The following EBF2 variants were observed in gnomAD, a reference collection of about 807,000 sequenced individuals.
EBF2 encodes the protein EBF transcription factor 2, also known as transcription factor COE2.
Under a neutral mutation model 72.8 loss-of-function variants are expected in EBF2, and 21 were observed. The observed-to-expected ratio is 0.29, with a 90% CI of 0.20 to 0.42. The LOEUF (loss-of-function observed/expected upper bound fraction) is 0.42, where lower values mean the gene tolerates loss of function less well. EBF2 is among the 10% of genes least tolerant of loss of function. The pLI, the probability that EBF2 is intolerant of heterozygous loss-of-function variation, is 1.00. For synonymous variants in EBF2, 299 were observed against 274.2 expected (o/e 1.09, Z -0.89); for missense variants, 637 against 731.2 (o/e 0.87, Z 1.49).
intron 10 of EBF2, among the ~76,000 whole-genome samples, chr8:25,881,823 G>A (rs1802609769): frequency 1.3e-5 from 2 of 152,156 alleles, no homozygotes; most frequent in South Asian, 4.2e-4. Flanking sequence ...ACATCCAGAG[G>A]AACGCACCGA....
At chr8:26,024,210 G>A (rs947256705) in intron 6 of EBF2, among the ~76,000 whole-genome samples, 11 of 152,084 alleles carry the variant, frequency 7.2e-5, no homozygotes, top group East Asian at 3.9e-4. Context: ...GTAAATATTC[G>A]AGGTATAGCC....
In EBF2 at chr8:25,927,910, C is replaced by G. The variant is rs895285610; in HGVS notation, c.552-19355G>C. Among the ~76,000 whole-genome samples the G allele has an allele frequency of 3.9e-5, 6 of 152,128 alleles. No homozygotes were observed. In the East Asian group the frequency reaches 1.2e-3, roughly 29 times the overall value. ...ATTTCATAACTCTAATAAGAAAGCC[C>G]TGTCATGAATAAAACCTGGCCCACA... On this transcript the variant is annotated intron_variant, in intron 6 of 15. Transcript: ENST00000520164.
Position 25,843,729 on chromosome 8 carries a change from G to A in EBF2, c.*880C>T, listed in dbSNP as rs1801776296. ...AGACGGAGCTGGGAATGAATTGATG[G>A]GTTGGAGTATTTGTGCATGTGCTAG... On this transcript the variant is annotated 3_prime_UTR_variant, in exon 16 of 16. Coordinates refer to ENST00000520164, the MANE Select transcript of EBF2 (RefSeq NM_022659.4). The A allele has an allele frequency of 6.6e-6, 1 of 152,210 alleles. No homozygotes were observed. Among genetic ancestry groups the A allele is most frequent in the African/African-American group, 2.4e-5 (1 of 41,416 alleles). The allele number at this position is 152,210 out of a possible 1,614,324, so 9.4% of individuals were successfully genotyped here. A position where few individuals can be genotyped will look rare whatever the true frequency, so the allele number is the denominator to read the frequency against.
chr8:25,859,736 A>G (rs1282559331), intron 13 of EBF2, among the ~76,000 whole-genome samples: 1 of 141,134 alleles, frequency 7.1e-6, no homozygotes, highest in Non-Finnish European at 1.5e-5. Flanking sequence ...TTTTTTTTTG[A>G]GACAAGATCT....
In EBF2 at chr8:26,000,058, G is replaced by A. The variant is rs1220736033; in HGVS notation, c.551+33027C>T. ...ATAACAGCGGGCCATGAAAATTGTA[G>A]ACATCACAATTTTATTGTCCCAGGA... On this transcript the variant is annotated intron_variant, in intron 6 of 15. Coordinates refer to ENST00000520164, the MANE Select transcript of EBF2 (RefSeq NM_022659.4). 2.6e-5 allele frequency among the ~76,000 whole-genome samples: 4 copies of A among 152,232 alleles called. No individual in the cohort carries two copies. In the South Asian group the frequency reaches 6.2e-4, roughly 24 times the overall value.
At chr8:25,861,881 C>T (rs1802218957) in intron 11 of EBF2, among the ~76,000 whole-genome samples, 1 of 152,138 alleles carries the variant, frequency 6.6e-6, no homozygotes, top group Non-Finnish European at 1.5e-5. Flanking sequence ...TACACTTTAA[C>T]CACAGAGAAT....
intron 10 of EBF2, among the ~76,000 whole-genome samples, chr8:25,878,143 G>A (rs867163170): frequency 3.3e-5 from 5 of 152,114 alleles, no homozygotes; most frequent in African/African-American, 1.2e-4. Context: ...TCCTCCTCTC[G>A]GGACCCGTCC....
At chr8:26,039,266 T>A (rs1219972836) in intron 5 of EBF2, among the ~76,000 whole-genome samples, 1 of 151,610 alleles carries the variant, frequency 6.6e-6, no homozygotes, top group Non-Finnish European at 1.5e-5. Context: ...GGGGGGGGAA[T>A]GCACAGGACT....
intron 6 of EBF2, among the ~76,000 whole-genome samples, chr8:25,928,415 C>T (rs936290206): frequency 1.3e-5 from 2 of 152,184 alleles, no homozygotes; most frequent in Non-Finnish European, 2.9e-5. Context: ...CTCCCCACGA[C>T]CATTCCTGCC....
chr8:25,991,561 G>T (rs1804545424), intron 6 of EBF2, among the ~76,000 whole-genome samples: 1 of 152,144 alleles, frequency 6.6e-6, no homozygotes, highest in African/African-American at 2.4e-5. Flanking sequence ...GAAAATAGAG[G>T]ACTGCCGGGT....
At chr8:25,948,334 G>A (rs533541069) in intron 6 of EBF2, among the ~76,000 whole-genome samples, 1 of 152,264 alleles carries the variant, frequency 6.6e-6, no homozygotes, top group South Asian at 2.1e-4. Flanking sequence ...TTTCTCTGGG[G>A]AAGCAAACCA....
At chr8:26,000,962 GC>G (rs1749171334) in intron 6 of EBF2, among the ~76,000 whole-genome samples, 2 of 152,140 alleles carry the variant, frequency 1.3e-5, no homozygotes. Flanking sequence ...GTGGAGGTTG[GC>G]GCAAAAATCA....
intron 6 of EBF2, among the ~76,000 whole-genome samples, chr8:25,969,584 A>G (rs1237916031): frequency 6.6e-6 from 1 of 152,162 alleles, no homozygotes; most frequent in East Asian, 1.9e-4. Context: ...GAGTGTGTTC[A>G]ATGAGAGCGT....
chr8:25,910,877 A>G (rs1400206357), intron 6 of EBF2, among the ~76,000 whole-genome samples: 1 of 152,212 alleles, frequency 6.6e-6, no homozygotes, highest in Non-Finnish European at 1.5e-5. Flanking sequence ...ATTACATAGT[A>G]TCTTCTAAAA....
At chr8:26,041,337 C>T in intron 2 of EBF2, 1 of 339,724 alleles carries the variant, frequency 2.9e-6, no homozygotes, top group Non-Finnish European at 5.5e-6. Flanking sequence ...CTCTGTCTGT[C>T]CTTAGGAAGC....
At chr8:25,912,866 A>G (rs745563686) in intron 6 of EBF2, among the ~76,000 whole-genome samples, 5 of 152,356 alleles carry the variant, frequency 3.3e-5, no homozygotes, top group African/African-American at 4.8e-5. Context: ...TCAGGAATAC[A>G]GTAAAAGTGT....
At chr8:25,910,141 C>A (rs892324267) in intron 6 of EBF2, among the ~76,000 whole-genome samples, 1 of 152,072 alleles carries the variant, frequency 6.6e-6, no homozygotes, top group Non-Finnish European at 1.5e-5. Flanking sequence ...CATCTCTGCC[C>A]GGGTCGTCAG....
chr8:25,870,459 C>T (rs1187334786), intron 10 of EBF2, among the ~76,000 whole-genome samples: 1 of 152,126 alleles, frequency 6.6e-6, no homozygotes, highest in African/African-American at 2.4e-5. Flanking sequence ...CTGGCAAGTG[C>T]TCTGCCTCTC....
chr8:25,920,056 C>G (rs1803282857), intron 6 of EBF2, among the ~76,000 whole-genome samples: 1 of 151,814 alleles, frequency 6.6e-6, no homozygotes, highest in Admixed American at 6.6e-5. Flanking sequence ...GGAAAAAGAG[C>G]TTTCTGTGTT....
Sources: gnomAD v4.1 joint callset for allele counts (sites outside exome capture counted in the v4.1 genomes callset) on GRCh38, gnomAD v4.1.1 for gene constraint, MANE v1.5 for transcripts, NCBI Gene and HGNC (gene_info 2026-07-23, HGNC 2026-07-21) for gene names.